The following DGKI variants were observed in gnomAD, a reference collection of about 807,000 sequenced individuals.
DGKI encodes DAG kinase iota.
In DGKI, 55 loss-of-function variants were observed where a neutral mutation model predicts 147.5. The observed-to-expected ratio is 0.37, with a 90% CI of 0.30 to 0.47. The LOEUF (loss-of-function observed/expected upper bound fraction) is 0.47. Among genes scored for constraint, DGKI ranks in the 20% least tolerant of loss-of-function variants. The probability of loss-of-function intolerance (pLI) is 1.00; values close to 1 mark genes in which losing one functional copy is unlikely to be tolerated. For missense variants in DGKI, 1,007 were observed against 1,323.8 expected (o/e 0.76, Z 3.71); for synonymous variants, 469 against 477.1 (o/e 0.98, Z 0.22).
At chr7:137,471,140 T>C (rs71541354) in intron 23 of DGKI, among the ~76,000 whole-genome samples, 6,537 of 152,238 alleles carry the variant, frequency 0.043, 150 homozygotes, top group Middle Eastern at 0.095. Flanking sequence ...AACATGTGAT[T>C]TGGAGCATTC....
At chr7:137,768,811 A>G (rs766658968) in intron 1 of DGKI, among the ~76,000 whole-genome samples, 7 of 152,174 alleles carry the variant, frequency 4.6e-5, no homozygotes, top group Non-Finnish European at 1.0e-4. Context: ...CTGAACGGCT[A>G]TCAAATTGTG....
chr7:137,582,434 C>CTATA (rs1554436072), intron 14 of DGKI, among the ~76,000 whole-genome samples: 48 of 148,440 alleles, frequency 3.2e-4, no homozygotes, highest in African/African-American at 1.2e-3. Context: ...CTCTCTCTCT[C>CTATA]TATATATATA....
At chr7:137,623,682 G>A in intron 6 of DGKI, 128 bp from the exon 7 acceptor site, 1 of 744,334 alleles carries the variant, frequency 1.3e-6, no homozygotes, top group South Asian at 1.5e-5. Context: ...CTGGAGGTAA[G>A]TAGAATTGCA....
intron 8 of DGKI, 73 bp from the exon 9 acceptor site, chr7:137,609,682 G>A (rs949531127): frequency 3.8e-6 from 4 of 1,050,086 alleles, no homozygotes; most frequent in Non-Finnish European, 5.9e-6. Context: ...GAACCAAGTA[G>A]AAGATGACGG....
At chr7:137,513,099 A>G (rs141945371) in intron 21 of DGKI, among the ~76,000 whole-genome samples, 258 of 152,270 alleles carry the variant, frequency 1.7e-3, no homozygotes, top group African/African-American at 5.8e-3. Context: ...TTTCCAGAAC[A>G]CTGATACTAT....
Position 137,527,900 on chromosome 7 carries a change from TATAA to T in DGKI, c.2148-5938_2148-5935del, listed in dbSNP as rs1293057505. 1.6e-4 allele frequency among the ~76,000 whole-genome samples: 25 copies of T among 152,352 alleles called. No individual in the cohort carries two copies. In the East Asian group the frequency reaches 4.8e-3, roughly 29 times the overall value. Reference sequence around the variant, plus strand: ...AGAATTCATTTGAACTGGCTCGTTTTATAAATAGAGTTTTATTAAAATATGAATT... The same window carrying T: ...AGAATTCATTTGAACTGGCTCGTTTTATAGAGTTTTATTAAAATATGAATT... On this transcript the variant is annotated intron_variant, in intron 20 of 32. Coordinates refer to ENST00000614521, the MANE Select transcript of DGKI (RefSeq NM_001321708.2).
chr7:137,845,019 C>T (rs1219419166), intron 1 of DGKI, among the ~76,000 whole-genome samples: 1 of 152,192 alleles, frequency 6.6e-6, no homozygotes, highest in Non-Finnish European at 1.5e-5. Flanking sequence ...CCTAGAGCTA[C>T]CCCCTCCCCA....
intron 20 of DGKI, among the ~76,000 whole-genome samples, chr7:137,545,367 C>T (rs1817830124): frequency 6.6e-6 from 1 of 152,070 alleles, no homozygotes. Flanking sequence ...AAAAATAATA[C>T]CCTGGACTAC....
rs186326286 is a variant in DGKI, at chr7:137,610,229, T to C, written c.994-620A>G. Reference sequence around the variant, plus strand: ...CACTATGAGAGTGGGATGGAAGTCATTGTTCTTTCTTTCTCTGTCTAAAGA... The same window carrying C: ...CACTATGAGAGTGGGATGGAAGTCACTGTTCTTTCTTTCTCTGTCTAAAGA... On this transcript the variant is annotated intron_variant, in intron 8 of 32. Transcript: ENST00000614521. Among the ~76,000 whole-genome samples the C allele has an allele frequency of 7.6e-4, 115 of 152,288 alleles. 1 individual carries two copies. Among genetic ancestry groups the C allele is most frequent in the African/African-American group, 2.5e-3 (102 of 41,566 alleles).
At chr7:137,457,776 G>A (rs1018374137) in intron 27 of DGKI, among the ~76,000 whole-genome samples, 13 of 152,074 alleles carry the variant, frequency 8.5e-5, no homozygotes, top group African/African-American at 3.1e-4. Context: ...TTTACACAAT[G>A]AGGAAGGACA....
intron 10 of DGKI, among the ~76,000 whole-genome samples, chr7:137,604,756 G>T (rs1257339459): frequency 2.0e-5 from 3 of 152,200 alleles, no homozygotes; most frequent in African/African-American, 7.2e-5. Flanking sequence ...CACTGGAAGA[G>T]AAAGTCATGA....
chr7:137,764,313 T>A (rs1359170571), intron 1 of DGKI, among the ~76,000 whole-genome samples: 2 of 152,074 alleles, frequency 1.3e-5, no homozygotes, highest in Non-Finnish European at 2.9e-5. Context: ...ATTTCATCCT[T>A]CAGAAGGAAC....
Position 137,654,716 on chromosome 7 carries a change from G to A in DGKI, c.738+16C>T. On this transcript the variant is annotated intron_variant, in intron 5 of 32. Transcript: ENST00000614521. The stretch of plus-strand genomic sequence containing the variant: ...AATCAAAGGTGATACTTGAAATCAA[G>A]CTCTGAAATACTCACTTCTCTTGGT... 6.4e-7 allele frequency: 1 copy of A among 1,561,014 alleles called. No individual in the cohort carries two copies. Among genetic ancestry groups the A allele is most frequent in the East Asian group, 2.2e-5 (1 of 44,560 alleles).
intron 6 of DGKI, among the ~76,000 whole-genome samples, chr7:137,627,724 A>G (rs1820993889): frequency 6.6e-6 from 1 of 152,236 alleles, no homozygotes; most frequent in Non-Finnish European, 1.5e-5. Flanking sequence ...TAAATGTATC[A>G]TTATTAAGTC....
chr7:137,658,684 G>T (rs368434661), intron 3 of DGKI, among the ~76,000 whole-genome samples: 1 of 152,140 alleles, frequency 6.6e-6, no homozygotes, highest in Non-Finnish European at 1.5e-5. Context: ...AGGAAGATGC[G>T]GAGAAAACTC....
intron 21 of DGKI, among the ~76,000 whole-genome samples, chr7:137,511,006 T>G (rs1339245121): frequency 6.6e-6 from 1 of 152,140 alleles, no homozygotes; most frequent in Non-Finnish European, 1.5e-5. Context: ...GGAAACCCAC[T>G]CGGTACTGAG....
intron 21 of DGKI, among the ~76,000 whole-genome samples, chr7:137,515,693 C>T (rs1188587785): frequency 6.6e-6 from 1 of 152,056 alleles, no homozygotes; most frequent in Non-Finnish European, 1.5e-5. Flanking sequence ...GTTTTCTGTG[C>T]CTCAATTGCT....
intron 27 of DGKI, among the ~76,000 whole-genome samples, chr7:137,451,632 GT>G (rs1376386598): frequency 1.3e-5 from 2 of 152,120 alleles, no homozygotes; most frequent in Non-Finnish European, 2.9e-5. Context: ...ATGTTTTATC[GT>G]TTTTAGTCAA....
At chr7:137,441,401 A>T (rs1231852201) in intron 28 of DGKI, among the ~76,000 whole-genome samples, 4 of 144,610 alleles carry the variant, frequency 2.8e-5, no homozygotes. Context: ...AGCCTGGGCG[A>T]CAGAGTGAGA....
Sources: allele counts gnomAD v4.1 joint callset (sites outside exome capture counted in the v4.1 genomes callset), GRCh38; gene constraint gnomAD v4.1.1; transcripts MANE v1.5; gene names NCBI Gene and HGNC (gene_info 2026-07-23, HGNC 2026-07-21).